Variants in PPP1R1B observed in about 807,000 individuals in gnomAD.
PPP1R1B encodes protein phosphatase 1 regulatory inhibitor subunit 1B, also known as protein phosphatase 1 regulatory subunit 1B.
Under a neutral mutation model 28.2 loss-of-function variants are expected in PPP1R1B, and 13 were observed. The observed-to-expected ratio is 0.46, with a 90% CI of 0.30 to 0.73. PPP1R1B has a LOEUF of 0.73. Among genes scored for constraint, PPP1R1B ranks in the 30% least tolerant of loss-of-function variants. The probability of loss-of-function intolerance (pLI) is 0.07; values close to 1 mark genes in which losing one functional copy is unlikely to be tolerated. For missense variants in PPP1R1B, 236 were observed against 256.7 expected, an observed-to-expected ratio of 0.92 and a Z score of 0.55; for synonymous variants, 102 against 97.5, an observed-to-expected ratio of 1.05 and a Z score of -0.27.
rs1183603717 is a variant in PPP1R1B, at chr17:39,634,049, C to T, written c.408C>T (p.Asp136=). The part of the protein sequence containing the change: ...EDDEEEEEEE[D]SQAEVLKVIR... ...ATGAAGAAGAGGAAGAAGAAGAGGACAGCCAGGCTGAAGTCCTGAAGGTCA... is the reference window on the plus strand; with the variant it reads ...ATGAAGAAGAGGAAGAAGAAGAGGATAGCCAGGCTGAAGTCCTGAAGGTCA... Residue 136 remains aspartate (D), a synonymous_variant, in exon 5 of 7, where the codon GAC becomes GAT. Coordinates refer to ENST00000254079, the MANE Select transcript of PPP1R1B (RefSeq NM_032192.4). 1 of 1,613,808 alleles carries T rather than the reference C, an allele frequency of 6.2e-7. No individual in the cohort carries two copies. Among genetic ancestry groups the T allele is most frequent in the Admixed American group, 1.7e-5 (1 of 60,006 alleles).
In PPP1R1B at chr17:39,634,005, G is replaced by A. The variant is rs768685523; in HGVS notation, c.364G>A (p.Glu122Lys). 6.2e-7 allele frequency: 1 copy of A among 1,613,904 alleles called. No homozygotes were observed. The highest frequency in any genetic ancestry group is 1.1e-5 in the South Asian group (1 of 91,084). Reference protein sequence around the residue: ...RELGYPREEDEEEEEDDEEEE... With the variant: ...RELGYPREEDKEEEEDDEEEE... The stretch of plus-strand genomic sequence containing the variant: ...GCTGGGTTATCCAAGAGAGGAAGAT[G>A]AGGAGGAAGAGGAGGATGATGAAGA... Residue 122 changes from glutamate (E) to lysine (K), a missense_variant, in exon 5 of 7, where the codon GAG (glutamate) becomes AAG (lysine). Glu to Lys is a moderately conservative substitution (Grantham distance 56). Coordinates refer to ENST00000254079, the MANE Select transcript of PPP1R1B (RefSeq NM_032192.4).
intron 4 of PPP1R1B, 115 bp downstream of exon 4, chr17:39,630,162 C>T: frequency 3.0e-6 from 3 of 1,012,218 alleles, no homozygotes; most frequent in Non-Finnish European, 4.5e-6. Context: ...AGCCCGCTGT[C>T]AGCGTGGCGC....
intron 4 of PPP1R1B, 98 bp downstream of exon 4, chr17:39,630,145 C>T: frequency 8.8e-7 from 1 of 1,138,162 alleles, no homozygotes; most frequent in Middle Eastern, 2.0e-4. Flanking sequence ...ATTGTTTCGC[C>T]ACACATAGCC....
At position 39,635,731 on chromosome 17, in the gene PPP1R1B, G is replaced by A. The variant is rs372307217; in HGVS notation, c.565+5G>A. ...TGGAAGACCCAGCACTAAGTGGTAA[G>A]GCTTGGGAGTGTGAAATGGGGAGGA... is the stretch of plus-strand genomic sequence containing the variant. On this transcript the variant is annotated splice_donor_5th_base_variant and intron_variant, in intron 6 of 6. Transcript: ENST00000254079. 1 of 1,613,560 alleles carries A rather than the reference G, an allele frequency of 6.2e-7. No homozygotes were observed. The highest frequency in any genetic ancestry group is 1.1e-5 in the South Asian group (1 of 91,072).
chr17:39,633,717 C>A, intron 4 of PPP1R1B, 166 bp from the exon 5 acceptor site: 2 of 1,214,530 alleles, frequency 1.6e-6, no homozygotes, highest in Non-Finnish European at 2.3e-6. Context: ...GGTCTGACAC[C>A]CATCAGGCTG....
intron 2 of PPP1R1B, 153 bp from the exon 3 acceptor site, chr17:39,629,387 A>T: frequency 8.0e-7 from 1 of 1,249,614 alleles, no homozygotes; most frequent in Non-Finnish European, 1.2e-6. Context: ...TATTGACATG[A>T]CACCTCCCAG....
At chr17:39,629,700 A>C (rs933955673) in intron 3 of PPP1R1B, 138 bp downstream of exon 3, 1 of 885,532 alleles carries the variant, frequency 1.1e-6, no homozygotes, top group Non-Finnish European at 1.8e-6. Context: ...CAGTCCTCTG[A>C]GAGTGCCTCA....
intron 1 of PPP1R1B, chr17:39,628,813 T>C: frequency 1.6e-6 from 1 of 609,806 alleles, no homozygotes; most frequent in Non-Finnish European, 2.1e-6. Context: ...GTCTGATGTT[T>C]TCAGAAACTG....
rs1263214759 is a variant in PPP1R1B at position 39,634,038 on chromosome 17, G to A, written c.397G>A (p.Glu133Lys). Residue 133 changes from glutamate (E) to lysine (K), a missense_variant, in exon 5 of 7, where the codon GAA (glutamate) becomes AAA (lysine). Physicochemically the swap from Glu to Lys is moderately conservative, Grantham distance 56. Coordinates refer to ENST00000254079, the MANE Select transcript of PPP1R1B (RefSeq NM_032192.4). ...EEEEDDEEEE[E>K]EEDSQAEVLK... ...AGAGGAGGATGATGAAGAAGAGGAA[G>A]AAGAAGAGGACAGCCAGGCTGAAGT... The A allele has an allele frequency of 6.2e-7, 1 of 1,613,774 alleles. No homozygotes were observed. Among genetic ancestry groups the A allele is most frequent in the South Asian group, 1.1e-5 (1 of 91,064 alleles).
chr17:39,629,690 C>A, intron 3 of PPP1R1B, 128 bp downstream of exon 3: 3 of 965,506 alleles, frequency 3.1e-6, no homozygotes, highest in Admixed American at 2.3e-5. Flanking sequence ...TATCAATGGG[C>A]AGTCCTCTGA....
intron 3 of PPP1R1B, 88 bp downstream of exon 3, chr17:39,629,650 TG>T: frequency 7.2e-7 from 1 of 1,396,236 alleles, no homozygotes; most frequent in Non-Finnish European, 1.0e-6. Flanking sequence ...CCAACCAGTA[TG>T]GGGTGCCACC....
At chr17:39,630,543 G>GTATA (rs2056869867) in intron 4 of PPP1R1B, 1 of 161,864 alleles carries the variant, frequency 6.2e-6, no homozygotes, top group Non-Finnish European at 1.4e-5. Flanking sequence ...TCAACACCTA[G>GTATA]TATATGCCAG....
chr17:39,632,128 A>T (rs1016749465), intron 4 of PPP1R1B: 1 of 152,390 alleles, frequency 6.6e-6, no homozygotes, highest in Non-Finnish European at 1.5e-5. Flanking sequence ...GGATCAGGAG[A>T]GGGGTGGCCA....
chr17:39,627,484 C>A lies in PPP1R1B; in HGVS notation c.81+11C>A. Reference sequence around the variant, plus strand: ...CGCCAGGTGGAGATGGTAAGGGGCCCGTGCCCCACCCCGGCAGCGTACCCG... The same window carrying A: ...CGCCAGGTGGAGATGGTAAGGGGCCAGTGCCCCACCCCGGCAGCGTACCCG... On this transcript the variant is annotated intron_variant, in intron 1 of 6. Transcript: ENST00000254079. 2.7e-6 allele frequency: 4 copies of A among 1,504,854 alleles called. No homozygotes were observed. Among genetic ancestry groups the A allele is most frequent in the Non-Finnish European group, 2.7e-6 (3 of 1,106,938 alleles). The allele number at this position is 1,504,854 out of a possible 1,614,324, so 93.2% of individuals were successfully genotyped here.
intron 3 of PPP1R1B, 157 bp from the exon 4 acceptor site, chr17:39,629,815 C>A (rs535384675): frequency 2.7e-5 from 24 of 904,810 alleles, no homozygotes; most frequent in South Asian, 6.2e-5. Context: ...GGGGGCCCCC[C>A]CTAAAGCCAC....
chr17:39,627,331 G>A lies in PPP1R1B; in HGVS notation c.-62G>A. 1 of 1,247,828 alleles carries A rather than the reference G, an allele frequency of 8.0e-7. No individual in the cohort carries two copies. Among genetic ancestry groups the A allele is most frequent in the Non-Finnish European group, 1.1e-6 (1 of 880,832 alleles). The allele number at this position is 1,247,828 out of a possible 1,614,324, so 77.3% of individuals were successfully genotyped here. ...CCCGCCGCCTGCGCGGGGGAGCCCA[G>A]CACAGACCGCCGCCGGGACCCCGAG... On this transcript the variant is annotated 5_prime_UTR_variant, in exon 1 of 7. Transcript: ENST00000254079.
At chr17:39,627,497 G>A (rs1337056479) in intron 1 of PPP1R1B, 24 bp downstream of exon 1, 4 of 1,439,660 alleles carry the variant, frequency 2.8e-6, no homozygotes, top group African/African-American at 2.9e-5. Context: ...GCCCCACCCC[G>A]GCAGCGTACC....
At position 39,636,325 on chromosome 17, in the gene PPP1R1B, T is replaced by A. The variant is rs2056923758; in HGVS notation, c.*460T>A. The stretch of plus-strand genomic sequence containing the variant: ...ATGGAGGATTCCAAGTCACCACTTC[T>A]CTCACCGGCTTCTACCAGGGTCCAG... On this transcript the variant is annotated 3_prime_UTR_variant, in exon 7 of 7. Coordinates refer to ENST00000254079, the MANE Select transcript of PPP1R1B (RefSeq NM_032192.4). 1 of 160,712 alleles carries A rather than the reference T, an allele frequency of 6.2e-6. No individual in the cohort carries two copies. The highest frequency in any genetic ancestry group is 1.4e-5 in the Non-Finnish European group (1 of 72,686). The allele number at this position is 160,712 out of a possible 1,614,324, so 10.0% of individuals were successfully genotyped here.
chr17:39,635,967 T>G lies in PPP1R1B; in HGVS notation c.*102T>G. ...GTTTTGTGCTCTTCCCCTCGCCTGC[T>G]AGGGCTGCGGCTTCTGACTTCTAGA... On this transcript the variant is annotated 3_prime_UTR_variant, in exon 7 of 7. Coordinates refer to ENST00000254079, the MANE Select transcript of PPP1R1B (RefSeq NM_032192.4). 11 of 1,292,976 alleles carry G rather than the reference T, an allele frequency of 8.5e-6. No homozygotes were observed. Among genetic ancestry groups the G allele is most frequent in the Admixed American group, 2.0e-5 (1 of 49,758 alleles). The allele number at this position is 1,292,976 out of a possible 1,614,324, so 80.1% of individuals were successfully genotyped here.
Sources: gnomAD v4.1 joint callset for allele counts on GRCh38, gnomAD v4.1.1 for gene constraint, MANE v1.5 for transcripts, NCBI Gene and HGNC (gene_info 2026-07-23, HGNC 2026-07-21) for gene names.